CSF1R: variants seen among roughly 807,000 people sequenced by gnomAD.
CSF1R encodes macrophage colony-stimulating factor 1 receptor.
In CSF1R, 40 loss-of-function variants were observed where a neutral mutation model predicts 110.0. That is an observed-to-expected ratio of 0.36 (90% CI 0.28 to 0.47). CSF1R has a LOEUF of 0.47. CSF1R is among the 20% of genes least tolerant of loss of function. CSF1R has a pLI of 0.99. For missense variants in CSF1R, 1,052 were observed against 1,253.0 expected (o/e 0.84, Z 2.42); for synonymous variants, 523 against 503.4 (o/e 1.04, Z -0.52).
intron 1 of CSF1R, among the ~76,000 whole-genome samples, chr5:150,108,322 G>A (rs1759613708): frequency 3.3e-5 from 5 of 152,174 alleles, no homozygotes; most frequent in Admixed American, 2.0e-4. Flanking sequence ...AGCTATAAAA[G>A]ACTGGGCATT....
chr5:150,112,315 G>A (rs1353961240), intron 1 of CSF1R, among the ~76,000 whole-genome samples: 1 of 152,356 alleles, frequency 6.6e-6, no homozygotes, highest in East Asian at 1.9e-4. Context: ...AGGTCACTGG[G>A]CTTTTGGGAG....
intron 13 of CSF1R, 71 bp from the exon 14 acceptor site, chr5:150,059,933 G>A: frequency 6.5e-7 from 1 of 1,527,030 alleles, no homozygotes; most frequent in Non-Finnish European, 8.9e-7. Context: ...GCATGAGACT[G>A]GGGGCAGTGA....
chr5:150,075,292 A>G (rs1430300364), intron 5 of CSF1R, among the ~76,000 whole-genome samples: 1 of 152,124 alleles, frequency 6.6e-6, no homozygotes, highest in African/African-American at 2.4e-5. Context: ...TGCCTTCACC[A>G]TTACCACTCT....
chr5:150,078,087 C>T (rs1175989320), intron 4 of CSF1R, 25 bp downstream of exon 4: 6 of 1,613,276 alleles, frequency 3.7e-6, no homozygotes, highest in Non-Finnish European at 5.1e-6. Context: ...GGCCAGACTT[C>T]ACCTTGTGAT....
At chr5:150,065,053 G>A (rs576984005) in intron 10 of CSF1R, among the ~76,000 whole-genome samples, 1 of 152,284 alleles carries the variant, frequency 6.6e-6, no homozygotes, top group Admixed American at 6.5e-5. Context: ...CTCTTCCTGG[G>A]AGTGGGGCGC....
At position 150,080,313 on chromosome 5, in the gene CSF1R, G is replaced by T. The variant is rs755465229; in HGVS notation, c.331C>A (p.Leu111Ile). Residue 111 changes from leucine to isoleucine, a missense_variant, in exon 3 of 21, where the codon CTA becomes ATA. By Grantham distance (5) the Leu-to-Ile change is conservative (BLOSUM62 2). Coordinates refer to ENST00000675795, the MANE Select transcript of CSF1R (RefSeq NM_001288705.3). The part of the protein sequence containing the change: ...VKDPARPWNV[L>I]AQEVVVFEDQ... The stretch of plus-strand genomic sequence containing the variant: ...TCGAACACGACCACCTCCTGTGCTA[G>T]CACGTTCCAGGGCCGGGCAGGGTCT... The T allele has an allele frequency of 6.2e-6, 10 of 1,613,506 alleles. No homozygotes were observed. The highest frequency in any genetic ancestry group is 3.3e-4 in the Middle Eastern group (2 of 6,080).
chr5:150,094,194 A>T (rs148964843), intron 1 of CSF1R: 1 of 639,446 alleles, frequency 1.6e-6, no homozygotes, highest in East Asian at 2.8e-5. Flanking sequence ...AGGCATAATG[A>T]GGGACATTAC....
rs1757026619 is a variant in CSF1R, at chr5:150,053,586, CAT to C, written c.*481_*482del. ...GGTCCTGTGAGATTCTTAGAGGAGCCATCCTGCTCCAAGGGGCCTGAGCTGAG... is the reference window on the plus strand; with the variant it reads ...GGTCCTGTGAGATTCTTAGAGGAGCCCCTGCTCCAAGGGGCCTGAGCTGAG... On this transcript the variant is annotated 3_prime_UTR_variant, in exon 21 of 21. Transcript: ENST00000675795. 4.0e-6 allele frequency: 1 copy of C among 251,038 alleles called. No individual in the cohort carries two copies. Among genetic ancestry groups the C allele is most frequent in the Admixed American group, 5.1e-5 (1 of 19,800 alleles). The allele number at this position is 251,038 out of a possible 1,614,324, so 15.6% of individuals were successfully genotyped here.
At chr5:150,061,438 C>T in intron 12 of CSF1R, 53 bp downstream of exon 12, 1 of 839,230 alleles carries the variant, frequency 1.2e-6, no homozygotes, top group Non-Finnish European at 1.8e-6. Context: ...GGCCAGCCCA[C>T]CCCCAGCATC....
chr5:150,076,179 C>T (rs1758250525), intron 5 of CSF1R, among the ~76,000 whole-genome samples: 1 of 152,192 alleles, frequency 6.6e-6, no homozygotes. Context: ...CTCTTCCACA[C>T]ACCACTGGCC....
chr5:150,061,467 C>A, intron 12 of CSF1R, 24 bp downstream of exon 12: 1 of 883,438 alleles, frequency 1.1e-6, no homozygotes, highest in Non-Finnish European at 1.7e-6. Context: ...CCCATCCCTT[C>A]CCTCATCCCC....
intron 1 of CSF1R, chr5:150,094,281 T>C: frequency 6.7e-7 from 1 of 1,500,110 alleles, no homozygotes; most frequent in Non-Finnish European, 9.0e-7. Context: ...AGAGCTTCAG[T>C]TTTTTTTTCC....
At chr5:150,070,433 T>C (rs2113809775) in intron 7 of CSF1R, 23 bp downstream of exon 7, 1 of 1,550,260 alleles carries the variant, frequency 6.5e-7, no homozygotes, top group African/African-American at 1.4e-5. Context: ...CCGCCCCAGG[T>C]GGCGCTCGGC....
In CSF1R at chr5:150,053,994, C is replaced by T; in HGVS notation, c.*75G>A. The T allele has an allele frequency of 1.4e-6, 2 of 1,433,198 alleles. No individual in the cohort carries two copies. Among genetic ancestry groups the T allele is most frequent in the South Asian group, 1.2e-5 (1 of 81,822 alleles). The allele number at this position is 1,433,198 out of a possible 1,614,324, so 88.8% of individuals were successfully genotyped here. A position where few individuals can be genotyped will look rare whatever the true frequency, so the allele number is the denominator to read the frequency against. On this transcript the variant is annotated 3_prime_UTR_variant, in exon 21 of 21. Transcript: ENST00000675795. ...TGACCGAAGGCAGAGTTTGTATGTT[C>T]TCCCCGTGTCGCCCCATCCATGGAG...
chr5:150,100,280 A>G (rs919488387), intron 1 of CSF1R, among the ~76,000 whole-genome samples: 1 of 131,912 alleles, frequency 7.6e-6, no homozygotes, highest in Non-Finnish European at 1.6e-5. Flanking sequence ...ACCTAAGATC[A>G]TTGGCTAACC....
rs777134212 is a variant in CSF1R, at chr5:150,059,752, CGGGGTCCTGGCCGGGGCTCAGGCT to C, written c.2056_2079del (p.Ser686_Pro693del). ...ATGTTCTTATAGTCGACGCCTCCCTCGGGGTCCTGGCCGGGGCTCAGGCTGGGTCCCAGCATGGCCTCAGCCTTC... is the reference window on the plus strand; with the variant it reads ...ATGTTCTTATAGTCGACGCCTCCCTCGGGTCCCAGCATGGCCTCAGCCTTC... On this transcript the variant is annotated inframe_deletion, in exon 14 of 21. Coordinates refer to ENST00000675795, the MANE Select transcript of CSF1R (RefSeq NM_001288705.3). 2.0e-5 allele frequency: 32 copies of C among 1,614,102 alleles called. No homozygotes were observed. In the East Asian group the frequency reaches 7.1e-4, roughly 36 times the overall value.
rs536269601 is a variant in CSF1R at position 150,100,617 on chromosome 5, C to T, written c.-181+12644G>A. 2.6e-5 allele frequency among the ~76,000 whole-genome samples: 4 copies of T among 152,234 alleles called. No homozygotes were observed. The South Asian group carries it at 8.3e-4, about 32-fold the overall frequency. ...TTGGAGCAACAGGAAATCTCATACA[C>T]TGCTGGTAAGGGTATAAATTGATAC... On this transcript the variant is annotated intron_variant, in intron 1 of 21. Transcript: ENST00000286301.
At chr5:150,074,582 G>A (rs746910035) in intron 5 of CSF1R, among the ~76,000 whole-genome samples, 10 of 152,044 alleles carry the variant, frequency 6.6e-5, no homozygotes, top group African/African-American at 2.2e-4. Context: ...CAGCCTCTCC[G>A]TGCCTGTCAT....
chr5:150,088,829 C>T (rs1023770933), upstream of CSF1R, among the ~76,000 whole-genome samples: 1 of 152,162 alleles, frequency 6.6e-6, no homozygotes, highest in Non-Finnish European at 1.5e-5. Flanking sequence ...CCACTGCACC[C>T]AGCCACCAGC....
Sources: allele counts gnomAD v4.1 joint callset (sites outside exome capture counted in the v4.1 genomes callset), GRCh38; gene constraint gnomAD v4.1.1; transcripts MANE v1.5; gene names NCBI Gene and HGNC (gene_info 2026-07-23, HGNC 2026-07-21).